COL6A3: variants seen among roughly 807,000 people sequenced by gnomAD.
COL6A3 encodes collagen alpha-3(VI) chain.
COL6A3 carries 137 observed loss-of-function variants against 274.1 expected under a neutral mutation model. The ratio of observed to expected loss-of-function variants is 0.50; its 90% CI spans 0.44 to 0.58. COL6A3 has a LOEUF of 0.58. Among genes scored for constraint, COL6A3 ranks in the 20% least tolerant of loss-of-function variants. The pLI, the probability that COL6A3 is intolerant of heterozygous loss-of-function variation, is 0.00. For synonymous variants in COL6A3, 1,650 were observed against 1,650.6 expected (o/e 1.00, Z 0.01); for missense variants, 3,950 against 4,124.9 (o/e 0.96, Z 1.16).
At position 237,378,990 on chromosome 2, in the gene COL6A3, A is replaced by G; in HGVS notation, c.2143T>C (p.Ser715Pro). 6.2e-7 allele frequency: 1 copy of G among 1,614,200 alleles called. No homozygotes were observed. The highest frequency in any genetic ancestry group is 2.2e-5 in the East Asian group (1 of 44,878). Residue 715 changes from serine (S) to proline (P), a missense_variant, in exon 6 of 44, where the codon TCG (serine) becomes CCG (proline). Coordinates refer to ENST00000295550, the MANE Select transcript of COL6A3 (RefSeq NM_004369.4). Reference sequence around the variant, plus strand: ...AGGGCTGAGCCTGTGTTCAGGCCCGAACCTCCCTGGAGCTGCAGCTGCCTC... The same window carrying G: ...AGGGCTGAGCCTGTGTTCAGGCCCGGACCTCCCTGGAGCTGCAGCTGCCTC... ...HLRQLQLQGGSGLNTGSALSY... is the reference protein window; with the variant it reads ...HLRQLQLQGGPGLNTGSALSY...
intron 43 of COL6A3, 58 bp from the exon 44 acceptor site, chr2:237,324,872 A>G: frequency 6.3e-7 from 1 of 1,579,440 alleles, no homozygotes. Context: ...GAAGAGAGGA[A>G]AAGCCACATT....
rs775450693 is a variant in COL6A3 at position 237,368,936 on chromosome 2, TC to T, written c.4526del (p.Arg1509LysfsTer6). ...TGCCAGTGTTCAGTGGGGACCCCCC[TC>T]TGAGCCTCAGGCGCCGTATGGCGTC... ...VLDAIRRLRL[R>X]GGSPLNTGKA... On this transcript the variant is annotated frameshift_variant, in exon 10 of 44. Transcript: ENST00000295550. LOFTEE classifies it high-confidence loss of function. This position sits in a 1 kb window ranked among gnomAD's most constrained non-coding sequence, Gnocchi z 4.4. 1 of 1,614,190 alleles carries T rather than the reference TC, an allele frequency of 6.2e-7. No individual in the cohort carries two copies. Among genetic ancestry groups the T allele is most frequent in the Non-Finnish European group, 8.5e-7 (1 of 1,180,022 alleles).
rs777409908 is a variant in COL6A3, at chr2:237,379,194, A to T, written c.1939T>A (p.Ser647Thr). ...AAATTGGTTTTTCCAACGTTGGCTG[A>T]TCCATCCAAAAGAAAGATGATATCC... ...KRDIIFLLDGSANVGKTNFPY... is the reference protein window; with the variant it reads ...KRDIIFLLDGTANVGKTNFPY... Residue 647 changes from serine to threonine, a missense_variant, in exon 6 of 44, where the codon TCA becomes ACA. Coordinates refer to ENST00000295550, the MANE Select transcript of COL6A3 (RefSeq NM_004369.4). The T allele has an allele frequency of 1.3e-5, 21 of 1,614,224 alleles. 2 individuals carry two copies. The South Asian group carries it at 2.0e-4, about 15-fold the overall frequency.
At chr2:237,390,667 C>T (rs566722097) in intron 3 of COL6A3, among the ~76,000 whole-genome samples, 6 of 152,318 alleles carry the variant, frequency 3.9e-5, no homozygotes, top group South Asian at 2.1e-4. Flanking sequence ...GCTCTTTTCC[C>T]GAGCTCACTG....
At position 237,344,704 on chromosome 2, in the gene COL6A3, G is replaced by A. The variant is rs764695814; in HGVS notation, c.7314C>T (p.Asn2438=). ...IVNDLTIAES[N]CPRGARVAVV... ...CAGCCACCCGGGCCCCCCGTGGGCA[G>A]TTGCTCTCAGCAATGGTCAGGTCAT... The change falls in exon 36 of 44, where the codon AAC becomes AAT. Residue 2438 remains asparagine, a synonymous_variant. Coordinates refer to ENST00000295550, the MANE Select transcript of COL6A3 (RefSeq NM_004369.4). This position sits in a 1 kb window ranked among gnomAD's most constrained non-coding sequence, Gnocchi z 4.8. The A allele has an allele frequency of 1.9e-6, 3 of 1,608,536 alleles. No homozygotes were observed. In the South Asian group the frequency reaches 3.3e-5, roughly 18 times the overall value.
Position 237,336,665 on chromosome 2 carries a change from G to C in COL6A3, c.8568-133C>G, listed in dbSNP as rs903980034. Reference sequence around the variant, plus strand: ...TAGTTTTTATAGATTATGTATAGCAGTGCATATATTAAATTCCTTCTTTTA... The same window carrying C: ...TAGTTTTTATAGATTATGTATAGCACTGCATATATTAAATTCCTTCTTTTA... On this transcript the variant is annotated intron_variant, in intron 39 of 43. Coordinates refer to ENST00000295550, the MANE Select transcript of COL6A3 (RefSeq NM_004369.4). The C allele has an allele frequency of 3.9e-5, 32 of 824,346 alleles. No homozygotes were observed. The African/African-American group carries it at 5.4e-4, about 14-fold the overall frequency. The allele number at this position is 824,346 out of a possible 1,614,324, so 51.1% of individuals were successfully genotyped here.
In COL6A3 at chr2:237,368,911, T is replaced by C; in HGVS notation, c.4552A>G (p.Lys1518Glu). ...TTTCTTGCCACAAATTCGAGAGCCT[T>C]GCCAGTGTTCAGTGGGGACCCCCCT... ...LRGGSPLNTG[K>E]ALEFVARNLF... Residue 1518 changes from lysine (K) to glutamate (E), a missense_variant, in exon 10 of 44, where the codon AAG becomes GAG. Lys to Glu is a moderately conservative substitution (Grantham distance 56, BLOSUM62 1). Transcript: ENST00000295550. The surrounding 1 kb of genome is among the most constrained non-coding windows in gnomAD (Gnocchi z 4.4). 6.2e-7 allele frequency: 1 copy of C among 1,614,180 alleles called. No homozygotes were observed. The highest frequency in any genetic ancestry group is 8.5e-7 in the Non-Finnish European group (1 of 1,180,018).
chr2:237,380,865 C>A (rs761714489), intron 5 of COL6A3, 50 bp downstream of exon 5: 1 of 1,548,450 alleles, frequency 6.5e-7, no homozygotes, highest in Non-Finnish European at 8.9e-7. Flanking sequence ...TTCTTAAAGG[C>A]CCTGCCTGGA....
chr2:237,400,543 G>C (rs1208570573), intron 1 of COL6A3, among the ~76,000 whole-genome samples: 1 of 150,776 alleles, frequency 6.6e-6, no homozygotes, highest in Non-Finnish European at 1.5e-5. Context: ...AATCCACCAA[G>C]ACTGAATCAT....
At chr2:237,347,335 G>A (rs139009840) in intron 31 of COL6A3, among the ~76,000 whole-genome samples, 527 of 152,302 alleles carry the variant, frequency 3.5e-3, no homozygotes, top group African/African-American at 0.012. Flanking sequence ...AGCTATCAGG[G>A]CTAAAAGTAG....
At chr2:237,409,291 T>G (rs971719077) in intron 1 of COL6A3, among the ~76,000 whole-genome samples, 5 of 148,770 alleles carry the variant, frequency 3.4e-5, no homozygotes, top group Admixed American at 6.6e-5. Flanking sequence ...TATTCTCTTT[T>G]TTTATTATTT....
chr2:237,360,992 T>G lies in COL6A3; in HGVS notation c.6210+129A>C, dbSNP rs994496770. 124 of 798,626 alleles carry G rather than the reference T, an allele frequency of 1.6e-4. 2 individuals carry two copies. Among genetic ancestry groups the G allele is most frequent in the South Asian group, 9.9e-4 (69 of 69,762 alleles). The allele number at this position is 798,626 out of a possible 1,614,324, so 49.5% of individuals were successfully genotyped here. A position where few individuals can be genotyped will look rare whatever the true frequency, so the allele number is the denominator to read the frequency against. On this transcript the variant is annotated intron_variant, in intron 16 of 43. Transcript: ENST00000295550. ...CCAGGCAAAGTTGTTAAGAAAAGTA[T>G]AAATTAATTTTTCTCCCAAAGGGAA...
rs536959688 is a variant in COL6A3 at position 237,361,748 on chromosome 2, G to A, written c.6147C>T (p.Ile2049=). 45 of 1,614,146 alleles carry A rather than the reference G, an allele frequency of 2.8e-5. No homozygotes were observed. The highest frequency in any genetic ancestry group is 6.7e-5 in the African/African-American group (5 of 75,052). Residue 2049 remains isoleucine (I), a synonymous_variant, in exon 15 of 44, where the codon ATC becomes ATT. Transcript: ENST00000295550. The surrounding 1 kb of genome is among the most constrained non-coding windows in gnomAD (Gnocchi z 5.1). ...GGTAAAGCCACCGTACCTTTGGCCC[G>A]ATGCTGCCGATGGGCCCGCGGTCTC... ...QRGDRGPIGS[I]GPKGIPGEDG...
chr2:237,406,551 A>G (rs186356432), intron 1 of COL6A3, among the ~76,000 whole-genome samples: 24 of 152,164 alleles, frequency 1.6e-4, no homozygotes, highest in Non-Finnish European at 2.5e-4. Context: ...ATTTCAGTAA[A>G]TTTGAGGCAC....
At chr2:237,375,511 A>ATTTTTG (rs574469124) in intron 7 of COL6A3, among the ~76,000 whole-genome samples, 34 of 151,898 alleles carry the variant, frequency 2.2e-4, no homozygotes, top group African/African-American at 4.1e-4. Context: ...GATAATAAGG[A>ATTTTTG]TTTTTGTTTT....
rs959767840 is a variant in COL6A3, at chr2:237,324,698, G to T, written c.*76C>A. The stretch of plus-strand genomic sequence containing the variant: ...ATACAGTGCAAGGGAATCTACACCC[G>T]GAGCTTCTACAGAGACAAGTTGGCG... On this transcript the variant is annotated 3_prime_UTR_variant, in exon 44 of 44. Transcript: ENST00000295550. 7.2e-7 allele frequency: 1 copy of T among 1,384,904 alleles called. No individual in the cohort carries two copies. Among genetic ancestry groups the T allele is most frequent in the Non-Finnish European group, 1.0e-6 (1 of 973,942 alleles). 85.8% of individuals were successfully genotyped at this position (1,384,904 alleles called of 1,614,324 possible). A position where few individuals can be genotyped will look rare whatever the true frequency, so the allele number is the denominator to read the frequency against.
intron 1 of COL6A3, among the ~76,000 whole-genome samples, chr2:237,406,901 T>A (rs1238006093): frequency 2.0e-5 from 3 of 149,954 alleles, no homozygotes; most frequent in African/African-American, 7.5e-5. Flanking sequence ...TTTCTTTCTT[T>A]TTTCCCTTTT....
chr2:237,334,157 A>G (rs1700407264), intron 41 of COL6A3, among the ~76,000 whole-genome samples: 1 of 152,194 alleles, frequency 6.6e-6, no homozygotes, highest in African/African-American at 2.4e-5. Context: ...AGATCAGGGC[A>G]GGGAGACTCA....
intron 39 of COL6A3, 68 bp downstream of exon 39, chr2:237,338,947 G>A (rs1182203712): frequency 8.3e-7 from 1 of 1,211,560 alleles, no homozygotes; most frequent in Non-Finnish European, 1.2e-6. Flanking sequence ...AAAGTCAGGA[G>A]GTGGTTGGAG....
Sources: allele counts gnomAD v4.1 joint callset (sites outside exome capture counted in the v4.1 genomes callset), GRCh38; gene constraint gnomAD v4.1.1; non-coding constraint Gnocchi (gnomAD v3.1); transcripts MANE v1.5; gene names NCBI Gene and HGNC (gene_info 2026-07-23, HGNC 2026-07-21).